Variants in ZNF385D observed in about 807,000 individuals in gnomAD.
ZNF385D encodes zinc finger protein 385D, also known as zinc finger protein 659.
In ZNF385D, 15 loss-of-function variants were observed where a neutral mutation model predicts 35.8. The ratio of observed to expected loss-of-function variants is 0.42; its 90% CI spans 0.28 to 0.64. The LOEUF (loss-of-function observed/expected upper bound fraction) is 0.64. Ranked by LOEUF, ZNF385D falls within the 30% of genes least tolerant of loss-of-function variation. ZNF385D has a pLI of 0.23. For synonymous variants in ZNF385D, 212 were observed against 186.8 expected (o/e 1.13, Z -1.10); for missense variants, 474 against 494.6 (o/e 0.96, Z 0.39).
At position 22,154,221 on chromosome 3, in the gene ZNF385D, T is replaced by C. The variant is rs1468127064; in HGVS notation, c.325+14596A>G. 3.3e-5 allele frequency among the ~76,000 whole-genome samples: 5 copies of C among 152,196 alleles called. No homozygotes were observed. In the South Asian group the frequency reaches 8.3e-4, roughly 25 times the overall value. ...TATTGTTGAAGGCCTGCCACTACAA[T>C]TGAAGCTCATTTCATTTCCAGCTCT... On this transcript the variant is annotated intron_variant, in intron 3 of 5. Coordinates refer to the ZNF385D transcript ENST00000494108.
chr3:21,826,114 C>G (rs752537620), intron 3 of ZNF385D, among the ~76,000 whole-genome samples: 1 of 152,190 alleles, frequency 6.6e-6, no homozygotes, highest in Non-Finnish European at 1.5e-5. Flanking sequence ...GACGGCTGCT[C>G]TAGCCAACTT....
Position 22,314,523 on chromosome 3 carries a change from C to T in ZNF385D, c.106+57927G>A, listed in dbSNP as rs569334781. Among the ~76,000 whole-genome samples the T allele has an allele frequency of 4.5e-4, 68 of 152,162 alleles. 1 individual carries two copies. In the South Asian group the frequency reaches 8.9e-3, roughly 20 times the overall value. Reference sequence around the variant, plus strand: ...CACAGTTTATTTGTCTATTCATTGACGGATGGGCATTTGGGTTAACACATT... The same window carrying T: ...CACAGTTTATTTGTCTATTCATTGATGGATGGGCATTTGGGTTAACACATT... On this transcript the variant is annotated intron_variant, in intron 2 of 5. Transcript: ENST00000494108.
intron 2 of ZNF385D, among the ~76,000 whole-genome samples, chr3:21,575,282 G>A (rs1205897300): frequency 1.3e-5 from 2 of 152,100 alleles, no homozygotes; most frequent in East Asian, 3.9e-4. Context: ...GGTGGAGGTG[G>A]GAGGGTGGTG....
chr3:21,632,394 A>G (rs1024818309), intron 2 of ZNF385D, among the ~76,000 whole-genome samples: 2 of 152,142 alleles, frequency 1.3e-5, no homozygotes, highest in African/African-American at 4.8e-5. Context: ...CTGAGTCTAT[A>G]TCATTAGTTT....
At chr3:22,192,783 G>T (rs1250863060) in intron 2 of ZNF385D, among the ~76,000 whole-genome samples, 1 of 152,036 alleles carries the variant, frequency 6.6e-6, no homozygotes, top group Non-Finnish European at 1.5e-5. Flanking sequence ...AAGAAGATGG[G>T]GGTGGAATTC....
At chr3:22,310,739 C>T (rs182283161) in intron 2 of ZNF385D, among the ~76,000 whole-genome samples, 36 of 151,828 alleles carry the variant, frequency 2.4e-4, no homozygotes, top group African/African-American at 2.7e-4. Context: ...AAATTATATA[C>T]GCTGTTTTCA....
At chr3:21,852,396 A>C (rs927273843) in intron 3 of ZNF385D, among the ~76,000 whole-genome samples, 7 of 152,002 alleles carry the variant, frequency 4.6e-5, no homozygotes, top group African/African-American at 1.7e-4. Flanking sequence ...TAGTCATAAA[A>C]GAGGCTCCCC....
intron 3 of ZNF385D, among the ~76,000 whole-genome samples, chr3:22,076,302 C>T (rs1269844362): frequency 6.6e-6 from 1 of 151,908 alleles, no homozygotes; most frequent in African/African-American, 2.4e-5. Flanking sequence ...CTTCTCATGT[C>T]CTACCCACTA....
chr3:22,288,915 G>A (rs900592785), intron 2 of ZNF385D, among the ~76,000 whole-genome samples: 4 of 152,068 alleles, frequency 2.6e-5, no homozygotes, highest in Non-Finnish European at 5.9e-5. Flanking sequence ...TCAAATCTCT[G>A]TGTTTGTCCA....
At chr3:21,944,838 TA>T (rs1453170756) in intron 3 of ZNF385D, among the ~76,000 whole-genome samples, 1 of 152,108 alleles carries the variant, frequency 6.6e-6, no homozygotes, top group East Asian at 1.9e-4. Flanking sequence ...CATTGATGAA[TA>T]AAATTATAGA....
At chr3:22,132,755 C>T (rs1703875935) in intron 3 of ZNF385D, among the ~76,000 whole-genome samples, 1 of 151,772 alleles carries the variant, frequency 6.6e-6, no homozygotes, top group South Asian at 2.1e-4. Context: ...TAATAATTTA[C>T]CCATGTCTTT....
chr3:21,886,020 CCTT>C (rs1296510207), intron 3 of ZNF385D, among the ~76,000 whole-genome samples: 1 of 152,086 alleles, frequency 6.6e-6, no homozygotes, highest in Non-Finnish European at 1.5e-5. Context: ...AGAAAAAACA[CCTT>C]CTCAGAAACA....
intron 3 of ZNF385D, among the ~76,000 whole-genome samples, chr3:22,114,738 G>A (rs1300948332): frequency 2.0e-5 from 3 of 152,032 alleles, no homozygotes; most frequent in Admixed American, 6.6e-5. Context: ...TTGCTAAAGT[G>A]TGAATGTTTG....
At chr3:21,960,457 TA>T (rs34913950) in intron 3 of ZNF385D, among the ~76,000 whole-genome samples, 103,996 of 151,870 alleles carry the variant, frequency 0.68, 36,771 homozygotes, top group Non-Finnish European at 0.77. Context: ...GTGGATGCAG[TA>T]AAAAACGGAT....
Position 22,057,153 on chromosome 3 carries a change from C to A in ZNF385D, c.325+111664G>T, listed in dbSNP as rs557132763. Among the ~76,000 whole-genome samples the A allele has an allele frequency of 2.6e-4, 40 of 152,336 alleles. 1 individual carries two copies. The South Asian group carries it at 5.2e-3, about 20-fold the overall frequency. ...GTTTAAAACTCAGGCTTTAGAAACC[C>A]ATACACCTGATTTAAAGTCTAGCTA... On this transcript the variant is annotated intron_variant, in intron 3 of 5. Coordinates refer to the ZNF385D transcript ENST00000494108.
In ZNF385D at chr3:22,053,089, T is replaced by G. The variant is rs1369184639; in HGVS notation, c.325+115728A>C. Among the ~76,000 whole-genome samples the G allele has an allele frequency of 2.5e-5, 2 of 78,880 alleles. 1 individual carries two copies. Among genetic ancestry groups the G allele is most frequent in the African/African-American group, 9.5e-5 (2 of 20,958 alleles). 51.7% of individuals were successfully genotyped at this position (78,880 alleles called of 152,430 possible). ...AAGCCTGGGCAATGGCGGGCGCCCC[T>G]CCCCCAGCCTCGTTGCCGCCTTGCA... On this transcript the variant is annotated intron_variant, in intron 3 of 5. Coordinates refer to the ZNF385D transcript ENST00000494108.
intron 2 of ZNF385D, among the ~76,000 whole-genome samples, chr3:22,366,353 A>AT (rs1237040788): frequency 1.6e-4 from 24 of 152,092 alleles, no homozygotes; most frequent in African/African-American, 5.6e-4. Flanking sequence ...TTTTCTGTCA[A>AT]CTTCGATATT....
At chr3:21,555,571 C>G (rs1466191549) in intron 3 of ZNF385D, among the ~76,000 whole-genome samples, 1 of 152,168 alleles carries the variant, frequency 6.6e-6, no homozygotes, top group Non-Finnish European at 1.5e-5. Flanking sequence ...GCATAGTGTT[C>G]CATGGTGTAT....
intron 2 of ZNF385D, among the ~76,000 whole-genome samples, chr3:21,575,038 A>G (rs1439236856): frequency 2.0e-5 from 3 of 152,324 alleles, no homozygotes; most frequent in African/African-American, 7.2e-5. Flanking sequence ...ATGACAAAAT[A>G]TTAACAGTTG....
Sources: gnomAD v4.1 joint callset for allele counts (sites outside exome capture counted in the v4.1 genomes callset) on GRCh38, gnomAD v4.1.1 for gene constraint, MANE v1.5 for transcripts, NCBI Gene and HGNC (gene_info 2026-07-23, HGNC 2026-07-21) for gene names.